The following GNB5 variants were observed in gnomAD, a reference collection of about 807,000 sequenced individuals.
GNB5 encodes the protein guanine nucleotide-binding protein subunit beta-5.
A neutral mutation model predicts 55.3 loss-of-function variants in GNB5; 37 were observed. The observed-to-expected ratio is 0.67, with a 90% CI of 0.51 to 0.88. The LOEUF (loss-of-function observed/expected upper bound fraction) is 0.88. Among genes scored for constraint, GNB5 ranks in the 40% least tolerant of loss-of-function variants. GNB5 has a pLI of 0.00. For missense variants in GNB5, 476 were observed against 515.3 expected, an observed-to-expected ratio of 0.92 and a Z score of 0.74; for synonymous variants, 219 against 198.5, an observed-to-expected ratio of 1.10 and a Z score of -0.87.
chr15:52,185,631 A>G (rs2034833381), intron 1 of GNB5, among the ~76,000 whole-genome samples: 1 of 152,120 alleles, frequency 6.6e-6, no homozygotes, highest in Non-Finnish European at 1.5e-5. Flanking sequence ...TCATGGACTA[A>G]AGGTGAGAAA....
chr15:52,183,243 C>G (rs1056531982), intron 2 of GNB5, among the ~76,000 whole-genome samples: 1 of 151,806 alleles, frequency 6.6e-6, no homozygotes, highest in Non-Finnish European at 1.5e-5. Flanking sequence ...AACCTGTGTG[C>G]CACAGAGGAC....
At chr15:52,175,971 C>T (rs971021267) in intron 3 of GNB5, among the ~76,000 whole-genome samples, 4 of 152,156 alleles carry the variant, frequency 2.6e-5, no homozygotes, top group African/African-American at 9.7e-5. Flanking sequence ...ACTGCTTGAA[C>T]CCAGGAGGTG....
At chr15:52,152,019 G>A (rs2141212927) in intron 4 of GNB5, among the ~76,000 whole-genome samples, 1 of 151,736 alleles carries the variant, frequency 6.6e-6, no homozygotes, top group South Asian at 2.1e-4. Flanking sequence ...GGGAGTAAAA[G>A]GTTTTTATTT....
chr15:52,183,168 A>G (rs919802608), intron 2 of GNB5, among the ~76,000 whole-genome samples: 3 of 152,216 alleles, frequency 2.0e-5, no homozygotes, highest in Admixed American at 6.5e-5. Flanking sequence ...CCAACCTAAT[A>G]GTAGCGCTAG....
intron 4 of GNB5, among the ~76,000 whole-genome samples, chr15:52,152,075 T>C (rs1055585300): frequency 6.6e-6 from 1 of 151,878 alleles, no homozygotes; most frequent in South Asian, 2.1e-4. Flanking sequence ...TAAATTTATT[T>C]TGATCTTAAA....
At chr15:52,161,497 C>T (rs2034331717) in intron 3 of GNB5, among the ~76,000 whole-genome samples, 1 of 152,202 alleles carries the variant, frequency 6.6e-6, no homozygotes, top group East Asian at 1.9e-4. Flanking sequence ...GATGGGGTTC[C>T]ACCATGTTGC....
chr15:52,135,622 G>A lies in GNB5; in HGVS notation c.762C>T (p.Phe254=), dbSNP rs144268249. ...TCCACTGGGTCTTTACCCCAGACAC[G>A]AAGGTGTTTCCAGTTTCTGAGGGGG... ...DLAPSETGNT[F]VSGGCDKKAM... is the part of the protein sequence containing the mutation. The change falls in exon 8 of 13, where the codon TTC becomes TTT. Residue 254 remains phenylalanine (F), a synonymous_variant. Transcript: ENST00000261837. The A allele has an allele frequency of 1.6e-4, 257 of 1,613,656 alleles. 1 individual carries two copies. Among genetic ancestry groups the A allele is most frequent in the Admixed American group, 4.7e-4 (28 of 59,958 alleles).
At chr15:52,176,241 A>T (rs2034648146) in intron 3 of GNB5, among the ~76,000 whole-genome samples, 1 of 152,090 alleles carries the variant, frequency 6.6e-6, no homozygotes, top group Admixed American at 6.6e-5. Flanking sequence ...CCACTTGCTC[A>T]ATGGGGAGCC....
intron 1 of GNB5, among the ~76,000 whole-genome samples, chr15:52,186,218 G>T (rs922965581): frequency 9.9e-5 from 15 of 152,182 alleles, no homozygotes; most frequent in Non-Finnish European, 1.9e-4. Context: ...GTAAACTAAT[G>T]AGAATTCCTA....
At chr15:52,125,927 G>A (rs1357222738) in intron 11 of GNB5, 21 bp downstream of exon 11, 9 of 1,041,844 alleles carry the variant, frequency 8.6e-6, no homozygotes, top group South Asian at 2.7e-5. Flanking sequence ...CCTGGGAAAA[G>A]TTTCTGAAAT....
intron 10 of GNB5, among the ~76,000 whole-genome samples, chr15:52,126,344 A>G (rs1186355141): frequency 6.6e-6 from 1 of 152,200 alleles, no homozygotes; most frequent in Non-Finnish European, 1.5e-5. Flanking sequence ...TAAAGGACAC[A>G]TGTTCACTGT....
At position 52,156,293 on chromosome 15, in the gene GNB5, G is replaced by A. The variant is rs554476646; in HGVS notation, c.239-2217C>T. ...TGAGCACTTCTCATTCCAAGCTTCCGTTGTTCCTTCCCTGTCCTTGCTCTA... is the reference window on the plus strand; with the variant it reads ...TGAGCACTTCTCATTCCAAGCTTCCATTGTTCCTTCCCTGTCCTTGCTCTA... On this transcript the variant is annotated intron_variant, in intron 3 of 12. Coordinates refer to ENST00000261837, the MANE Select transcript of GNB5 (RefSeq NM_016194.4). 1.4e-4 allele frequency among the ~76,000 whole-genome samples: 22 copies of A among 152,270 alleles called. No individual in the cohort carries two copies. In the East Asian group the frequency reaches 1.5e-3, roughly 11 times the overall value.
chr15:52,178,345 T>C (rs1002073440), intron 3 of GNB5, among the ~76,000 whole-genome samples: 4 of 152,162 alleles, frequency 2.6e-5, no homozygotes, highest in Non-Finnish European at 2.9e-5. Context: ...GGGAGAAGGA[T>C]TTCTGGGAAA....
chr15:52,153,864 G>A, intron 4 of GNB5, 76 bp downstream of exon 4: 1 of 1,285,498 alleles, frequency 7.8e-7, no homozygotes, highest in South Asian at 1.4e-5. Flanking sequence ...AGGGCTTTTG[G>A]AAAGGGACAG....
chr15:52,154,849 C>G (rs898888359), intron 3 of GNB5, among the ~76,000 whole-genome samples: 5 of 152,218 alleles, frequency 3.3e-5, no homozygotes, highest in African/African-American at 1.2e-4. Context: ...ACTCACAGCA[C>G]CACCTACACC....
intron 3 of GNB5, among the ~76,000 whole-genome samples, chr15:52,159,147 G>C (rs2034278200): frequency 6.6e-6 from 1 of 152,144 alleles, no homozygotes; most frequent in Non-Finnish European, 1.5e-5. Context: ...TAAACAACCT[G>C]ATTGCAGAGT....
Position 52,117,089 on chromosome 15 carries a change from A to AATATATATATATATATATAT in GNB5, c.*5667_*5668insATATATATATATATATATAT, listed in dbSNP as rs772910761. ...CAGGCACCTGCCACCACGCCCAGCT[A>AATATATATATATATATATAT]ATATATATATATATTTTTTTTTAGT... On this transcript the variant is annotated 3_prime_UTR_variant, in exon 13 of 13. Coordinates refer to ENST00000261837, the MANE Select transcript of GNB5 (RefSeq NM_016194.4). The AATATATATATATATATATAT allele has an allele frequency of 1.2e-4, 10 of 85,470 alleles. No individual in the cohort carries two copies. The highest frequency in any genetic ancestry group is 4.0e-5 in the Non-Finnish European group (2 of 49,694). 5.3% of individuals were successfully genotyped at this position (85,470 alleles called of 1,614,324 possible).
intron 1 of GNB5, among the ~76,000 whole-genome samples, chr15:52,187,910 C>T (rs1419107902): frequency 1.3e-5 from 2 of 151,936 alleles, no homozygotes; most frequent in Non-Finnish European, 2.9e-5. Context: ...GATCATGCCA[C>T]TGCACTCCAG....
intron 3 of GNB5, among the ~76,000 whole-genome samples, chr15:52,164,764 A>C (rs2034416820): frequency 6.6e-6 from 1 of 152,228 alleles, no homozygotes; most frequent in East Asian, 1.9e-4. Context: ...GAAAGAATCA[A>C]CACAAAAACA....
Sources: gnomAD v4.1 joint callset for allele counts (sites outside exome capture counted in the v4.1 genomes callset) on GRCh38, gnomAD v4.1.1 for gene constraint, MANE v1.5 for transcripts, NCBI Gene and HGNC (gene_info 2026-07-23, HGNC 2026-07-21) for gene names.